The following FIGNL2 variants were observed in gnomAD, a reference collection of about 807,000 sequenced individuals.
FIGNL2 encodes fidgetin like 2, also known as fidgetin-like protein 2.
For synonymous variants in FIGNL2, 565 were observed against 484.0 expected, an observed-to-expected ratio of 1.17 and a Z score of -2.20; for missense variants, 1,060 against 950.2, an observed-to-expected ratio of 1.12 and a Z score of -1.52.
intron 1 of FIGNL2, among the ~76,000 whole-genome samples, chr12:51,842,297 C>A (rs1592195892): frequency 6.6e-6 from 1 of 152,200 alleles, no homozygotes; most frequent in East Asian, 1.9e-4. Flanking sequence ...GGAAAGGAAG[C>A]CCCTTCCTAG....
At chr12:51,830,594 T>C (rs1939435424) in intron 1 of FIGNL2, among the ~76,000 whole-genome samples, 2 of 146,874 alleles carry the variant, frequency 1.4e-5, no homozygotes, top group South Asian at 2.3e-4. Context: ...TGAGTTCAAG[T>C]GATTCTCTTG....
At chr12:51,836,489 G>A (rs1939581117) in intron 1 of FIGNL2, among the ~76,000 whole-genome samples, 2 of 152,142 alleles carry the variant, frequency 1.3e-5, no homozygotes, top group Non-Finnish European at 2.9e-5. Flanking sequence ...TGTCCCCCGA[G>A]GCCTGGCCAG....
At chr12:51,845,208 T>C (rs919753505) in intron 1 of FIGNL2, among the ~76,000 whole-genome samples, 3 of 152,206 alleles carry the variant, frequency 2.0e-5, no homozygotes, top group African/African-American at 7.2e-5. Flanking sequence ...TCCTGGGTTA[T>C]ATATGGGTTT....
In FIGNL2 at chr12:51,840,469, T is replaced by C. The variant is rs192483852; in HGVS notation, c.-12+8071A>G. Among the ~76,000 whole-genome samples the C allele has an allele frequency of 1.3e-3, 191 of 152,304 alleles. 3 individuals are homozygous for C. The highest frequency in any genetic ancestry group is 0.011 in the Admixed American group (170 of 15,302). ...TAATAACATTGGCCAGGCACGGTGG[T>C]TCACGCCTGTAATCCCAACACTTTG... On this transcript the variant is annotated intron_variant, in intron 1 of 1. Transcript: ENST00000618634.
intron 1 of FIGNL2, among the ~76,000 whole-genome samples, chr12:51,823,263 C>A (rs1456819374): frequency 6.6e-6 from 1 of 152,024 alleles, no homozygotes; most frequent in Non-Finnish European, 1.5e-5. Flanking sequence ...TGGAGAAGAC[C>A]GCGGAAAGTT....
chr12:51,847,487 A>G, intron 1 of FIGNL2: 2 of 985,392 alleles, frequency 2.0e-6, no homozygotes, highest in Non-Finnish European at 2.4e-6. Context: ...CAAATTAGGT[A>G]TCCATGGAGA....
intron 1 of FIGNL2, 102 bp from the exon 2 acceptor site, chr12:51,822,526 G>T: frequency 7.1e-7 from 1 of 1,401,904 alleles, no homozygotes; most frequent in African/African-American, 1.4e-5. Flanking sequence ...GCTTGGACAG[G>T]CTGGGCTTCC....
At position 51,821,792 on chromosome 12, in the gene FIGNL2, C is replaced by A; in HGVS notation, c.622G>T (p.Gly208Trp). 7.8e-7 allele frequency: 1 copy of A among 1,276,198 alleles called. No homozygotes were observed. The highest frequency in any genetic ancestry group is 9.8e-7 in the Non-Finnish European group (1 of 1,017,158). The allele number at this position is 1,276,198 out of a possible 1,614,324, so 79.1% of individuals were successfully genotyped here. The stretch of plus-strand genomic sequence containing the variant: ...TAGCCGGGCTGCGCTGCGTAGCCCC[C>A]TGCGGGATAGTTGTACAGCGGCGCT... ...PSAPLYNYPA[G>W]GYAAQPGYGA... The change falls in exon 2 of 2, where the codon GGG becomes TGG. Residue 208 changes from glycine (G) to tryptophan (W), a missense_variant. Transcript: ENST00000618634.
intron 1 of FIGNL2, among the ~76,000 whole-genome samples, chr12:51,839,715 C>T (rs555713878): frequency 6.2e-4 from 95 of 152,340 alleles, no homozygotes; most frequent in African/African-American, 2.3e-3. Context: ...GTTCCAGGCA[C>T]TTCTGCCCTT....
chr12:51,828,695 G>T (rs963076095), intron 1 of FIGNL2, among the ~76,000 whole-genome samples: 1 of 152,136 alleles, frequency 6.6e-6, no homozygotes, highest in African/African-American at 2.4e-5. Flanking sequence ...CATGCACAGG[G>T]CCTGATGCAG....
intron 1 of FIGNL2, among the ~76,000 whole-genome samples, chr12:51,839,264 C>T (rs1939624523): frequency 6.6e-6 from 1 of 152,172 alleles, no homozygotes; most frequent in African/African-American, 2.4e-5. Context: ...ACAGAGACCT[C>T]AGACTCAACA....
chr12:51,844,650 A>C, intron 1 of FIGNL2: 1 of 967,024 alleles, frequency 1.0e-6, no homozygotes, highest in Non-Finnish European at 1.2e-6. Flanking sequence ...AGTGTGTGGA[A>C]GCGTTAACTA....
At position 51,818,490 on chromosome 12, in the gene FIGNL2, CA is replaced by C. The variant is rs1314455248; in HGVS notation, c.*1961del. 1.3e-5 allele frequency: 2 copies of C among 152,424 alleles called. No homozygotes were observed. The highest frequency in any genetic ancestry group is 2.4e-5 in the African/African-American group (1 of 41,428). 9.4% of individuals were successfully genotyped at this position (152,424 alleles called of 1,614,324 possible). A position where few individuals can be genotyped will look rare whatever the true frequency, so the allele number is the denominator to read the frequency against. Reference sequence around the variant, plus strand: ...CGGCAGCCCACTGCTTCTGAGGCACCAAAGCCCTGTGGGTGGCTGGCTCCAA... The same window carrying C: ...CGGCAGCCCACTGCTTCTGAGGCACCAAGCCCTGTGGGTGGCTGGCTCCAA... On this transcript the variant is annotated 3_prime_UTR_variant, in exon 2 of 2. Coordinates refer to ENST00000618634, the MANE Select transcript of FIGNL2 (RefSeq NM_001384995.1).
chr12:51,821,856 C>G lies in FIGNL2; in HGVS notation c.558G>C (p.Ala186=). ...GAALPPPPPA[A]LLQPPPPPGY... is the part of the protein sequence containing the mutation. The stretch of plus-strand genomic sequence containing the variant: ...CCGGAGGCGGTGGGGGCTGCAGGAG[C>G]GCGGCCGGGGGCGGCGGGGGCAGCG... Residue 186 remains alanine (A), a synonymous_variant, in exon 2 of 2, where the codon GCG becomes GCC. Transcript: ENST00000618634. The G allele has an allele frequency of 2.3e-6, 3 of 1,292,402 alleles. No individual in the cohort carries two copies. The highest frequency in any genetic ancestry group is 2.9e-6 in the Non-Finnish European group (3 of 1,023,088). 80.1% of individuals were successfully genotyped at this position (1,292,402 alleles called of 1,614,324 possible).
chr12:51,832,191 A>G (rs561703217), intron 1 of FIGNL2, among the ~76,000 whole-genome samples: 10 of 152,028 alleles, frequency 6.6e-5, no homozygotes, highest in African/African-American at 2.4e-4. Context: ...TAATTTTGGC[A>G]TTTTTAGTAG....
intron 1 of FIGNL2, among the ~76,000 whole-genome samples, chr12:51,823,724 A>G (rs1414824194): frequency 1.3e-5 from 2 of 152,234 alleles, no homozygotes; most frequent in Non-Finnish European, 2.9e-5. Flanking sequence ...TTTTGATAAG[A>G]CAAGTTAACA....
chr12:51,830,681 T>C lies in FIGNL2; in HGVS notation c.-11-8257A>G, dbSNP rs147698285. 1.9e-3 allele frequency among the ~76,000 whole-genome samples: 295 copies of C among 151,910 alleles called. 3 individuals are homozygous for C. The East Asian group carries it at 0.031, about 16-fold the overall frequency. On this transcript the variant is annotated intron_variant, in intron 1 of 1. Transcript: ENST00000618634. ...TAATTTTCTGTATTTTTAGTAGAGA[T>C]GGGGTTTCACCATGTTGGCCAGGCT...
At chr12:51,832,661 C>T (rs1265005491) in intron 1 of FIGNL2, among the ~76,000 whole-genome samples, 5 of 152,110 alleles carry the variant, frequency 3.3e-5, no homozygotes, top group Admixed American at 6.6e-5. Context: ...ATGGTAATTC[C>T]GTGCATGATC....
intron 1 of FIGNL2, among the ~76,000 whole-genome samples, chr12:51,826,501 T>A (rs1592188127): frequency 6.6e-6 from 1 of 150,712 alleles, no homozygotes; most frequent in Non-Finnish European, 1.5e-5. Flanking sequence ...TAGCCGGGCG[T>A]GGTGGCAGGC....
Sources: allele counts gnomAD v4.1 joint callset (sites outside exome capture counted in the v4.1 genomes callset), GRCh38; gene constraint gnomAD v4.1.1; transcripts MANE v1.5; gene names NCBI Gene and HGNC (gene_info 2026-07-23, HGNC 2026-07-21).